Variants in PEDS1 observed in about 807,000 individuals in gnomAD.
The protein encoded by PEDS1 is CarF homolog.
Under a neutral mutation model 35.2 loss-of-function variants are expected in PEDS1, and 14 were observed. The ratio of observed to expected loss-of-function variants is 0.40; its 90% CI spans 0.26 to 0.62. The LOEUF (loss-of-function observed/expected upper bound fraction) is 0.62, where lower values mean the gene tolerates loss of function less well. Among genes scored for constraint, PEDS1 ranks in the 20% least tolerant of loss-of-function variants. PEDS1 has a pLI of 0.44. For missense variants in PEDS1, 260 were observed against 367.8 expected (o/e 0.71, Z 2.40); for synonymous variants, 152 against 152.0 (o/e 1.00, Z 0.00).
intron 1 of PEDS1, among the ~76,000 whole-genome samples, chr20:50,147,550 A>G (rs920863877): frequency 6.6e-6 from 1 of 152,182 alleles, no homozygotes; most frequent in African/African-American, 2.4e-5. Flanking sequence ...TGAGGTTCAG[A>G]GCTGGGTTTG....
intron 1 of PEDS1, among the ~76,000 whole-genome samples, chr20:50,146,752 C>T (rs1398534856): frequency 6.6e-6 from 1 of 152,070 alleles, no homozygotes; most frequent in Non-Finnish European, 1.5e-5. Flanking sequence ...ACCGTGAAGC[C>T]CAGGAAGGAG....
intron 1 of PEDS1, 88 bp downstream of exon 1, chr20:50,153,429 G>C: frequency 8.1e-7 from 1 of 1,237,900 alleles, no homozygotes; most frequent in East Asian, 3.2e-5. Flanking sequence ...TTCCGCATCT[G>C]GGCCCGAGGT....
In PEDS1 at chr20:50,121,847, A is replaced by T. The variant is rs755327133; in HGVS notation, c.*3211T>A. The T allele has an allele frequency of 6.6e-6, 1 of 152,048 alleles. No individual in the cohort carries two copies. The highest frequency in any genetic ancestry group is 1.5e-5 in the Non-Finnish European group (1 of 68,050). 9.4% of individuals were successfully genotyped at this position (152,048 alleles called of 1,614,324 possible). A position where few individuals can be genotyped will look rare whatever the true frequency, so the allele number is the denominator to read the frequency against. On this transcript the variant is annotated 3_prime_UTR_variant, in exon 6 of 6. Coordinates refer to ENST00000371652, the MANE Select transcript of PEDS1 (RefSeq NM_199129.4). ...AGATTGGTGGGGCCTGGAAACCAAC[A>T]CCACAGTGGTGAGGCTACTCCTATG...
In PEDS1 at chr20:50,125,170, T is replaced by G; in HGVS notation, c.701A>C (p.Asn234Thr). The change falls in exon 6 of 6, where the codon AAC becomes ACC. Residue 234 changes from asparagine to threonine, a missense_variant. Around this residue, in one of 4 missense-constraint regions of PEDS1, gnomAD observed 83 missense variants for 142.8 expected, o/e 0.58. Coordinates refer to ENST00000371652, the MANE Select transcript of PEDS1 (RefSeq NM_199129.4). ...GAAGCCTATCTTCTCCAGAGGGTAG[T>G]TGAGCCAGCCTGCAGTAGAAATGGC... Reference protein sequence around the residue: ...TYFCITTGWLNYPLEKIGFWR... With the variant: ...TYFCITTGWLTYPLEKIGFWR... The G allele has an allele frequency of 1.2e-6, 2 of 1,613,886 alleles. No homozygotes were observed. The highest frequency in any genetic ancestry group is 1.7e-6 in the Non-Finnish European group (2 of 1,179,802).
Position 50,138,780 on chromosome 20 carries a change from C to CA in PEDS1, c.241+4721dup, listed in dbSNP as rs573079325. Among the ~76,000 whole-genome samples, 398 of 152,348 alleles carry CA rather than the reference C, an allele frequency of 2.6e-3. 2 individuals carry two copies. The highest frequency in any genetic ancestry group is 9.0e-3 in the African/African-American group (375 of 41,578). On this transcript the variant is annotated intron_variant, in intron 2 of 5. Transcript: ENST00000371652. ...CCAGCTTTGGGGTGGTGGCAGCTGGCAGCCGGCTCCCCCTGGGGGCAGCTT... is the reference window on the plus strand; with the variant it reads ...CCAGCTTTGGGGTGGTGGCAGCTGGCAAGCCGGCTCCCCCTGGGGGCAGCTT...
chr20:50,148,265 C>T (rs928648241), intron 1 of PEDS1, among the ~76,000 whole-genome samples: 3 of 152,200 alleles, frequency 2.0e-5, no homozygotes, highest in African/African-American at 4.8e-5. Context: ...TGTCCAAAGT[C>T]ACTTGAGGGT....
chr20:50,152,652 A>C (rs2081416994), intron 1 of PEDS1, among the ~76,000 whole-genome samples: 1 of 152,086 alleles, frequency 6.6e-6, no homozygotes, highest in South Asian at 2.1e-4. Context: ...AGAGAGGGAG[A>C]GGTGAACTCC....
chr20:50,125,297 AG>A lies in PEDS1; in HGVS notation c.692-119del, dbSNP rs2081088192. 6 of 1,363,006 alleles carry A rather than the reference AG, an allele frequency of 4.4e-6. No homozygotes were observed. The Admixed American group carries it at 1.3e-4, about 30-fold the overall frequency. The allele number at this position is 1,363,006 out of a possible 1,614,324, so 84.4% of individuals were successfully genotyped here. A position where few individuals can be genotyped will look rare whatever the true frequency, so the allele number is the denominator to read the frequency against. On this transcript the variant is annotated intron_variant, in intron 5 of 5. Coordinates refer to ENST00000371652, the MANE Select transcript of PEDS1 (RefSeq NM_199129.4). ...AATGAGGAGTGAGTCAGTACAGGAT[AG>A]GACACAGGGACCGGCCAAGGAACTG...
chr20:50,129,583 C>T lies in PEDS1; in HGVS notation c.441G>A (p.Leu147=). The part of the protein sequence containing the change: ...GDNCLVTLLP[L]LNMAYKFRTH... Reference sequence around the variant, plus strand: ...TGCGGAACTTGTAGGCCATGTTTAGCAGCGGCAGCAGTGTCACCAGGCAGT... The same window carrying T: ...TGCGGAACTTGTAGGCCATGTTTAGTAGCGGCAGCAGTGTCACCAGGCAGT... The change falls in exon 4 of 6, where the codon CTG becomes CTA. Residue 147 remains leucine (L), a synonymous_variant. Transcript: ENST00000371652. The surrounding 1 kb of genome is among the most constrained non-coding windows in gnomAD (Gnocchi z 4.2). 6.2e-7 allele frequency: 1 copy of T among 1,614,110 alleles called. No homozygotes were observed. Among genetic ancestry groups the T allele is most frequent in the Non-Finnish European group, 8.5e-7 (1 of 1,179,996 alleles).
chr20:50,147,091 C>T (rs927646794), intron 1 of PEDS1, among the ~76,000 whole-genome samples: 1 of 152,178 alleles, frequency 6.6e-6, no homozygotes, highest in Non-Finnish European at 1.5e-5. Flanking sequence ...AGGAAGTGGG[C>T]AGAGCCAACT....
intron 2 of PEDS1, among the ~76,000 whole-genome samples, chr20:50,131,621 CA>C (rs926700222): frequency 1.9e-3 from 256 of 132,844 alleles, no homozygotes; most frequent in Middle Eastern, 3.9e-3. Context: ...GACTCCGTCT[CA>C]AAAAAAAAAA....
At position 50,121,484 on chromosome 20, in the gene PEDS1, G is replaced by A. The variant is rs1176918352; in HGVS notation, c.*3574C>T. On this transcript the variant is annotated 3_prime_UTR_variant, in exon 6 of 6. Transcript: ENST00000371652. ...GAGTACTCACTTCTCAGAGCTGCAGGGACTGCTTGACAGGACCCATGCCAG... is the reference window on the plus strand; with the variant it reads ...GAGTACTCACTTCTCAGAGCTGCAGAGACTGCTTGACAGGACCCATGCCAG... The A allele has an allele frequency of 1.3e-5, 2 of 152,220 alleles. No homozygotes were observed. The highest frequency in any genetic ancestry group is 2.9e-5 in the Non-Finnish European group (2 of 68,124). 9.4% of individuals were successfully genotyped at this position (152,220 alleles called of 1,614,324 possible).
At position 50,129,424 on chromosome 20, in the gene PEDS1, AATGAATGAAAACT is replaced by A; in HGVS notation, c.478+109_478+121del. ...AGGTTTCCTGATTTTACATGAAGAC[AATGAATGAAAACT>A]CTTTTAAAATACCATAAGGAGCCAA... is the stretch of plus-strand genomic sequence containing the variant. On this transcript the variant is annotated intron_variant, in intron 4 of 5. Transcript: ENST00000371652. The surrounding 1 kb of genome is among the most constrained non-coding windows in gnomAD (Gnocchi z 4.2). 1 of 1,391,778 alleles carries A rather than the reference AATGAATGAAAACT, an allele frequency of 7.2e-7. No individual in the cohort carries two copies. The highest frequency in any genetic ancestry group is 1.5e-5 in the South Asian group (1 of 67,912). The allele number at this position is 1,391,778 out of a possible 1,614,324, so 86.2% of individuals were successfully genotyped here. A position where few individuals can be genotyped will look rare whatever the true frequency, so the allele number is the denominator to read the frequency against.
chr20:50,128,301 G>T lies in PEDS1; in HGVS notation c.479-114C>A. On this transcript the variant is annotated intron_variant, in intron 4 of 5. Coordinates refer to ENST00000371652, the MANE Select transcript of PEDS1 (RefSeq NM_199129.4). The surrounding 1 kb of genome is among the most constrained non-coding windows in gnomAD (Gnocchi z 5.2). ...GGCTCCTGAGCTGGGCAAGCACCCA[G>T]GATTCTCTTCCACCCCCTGCAGGGC... is the stretch of plus-strand genomic sequence containing the variant. 7.5e-7 allele frequency: 1 copy of T among 1,330,796 alleles called. No homozygotes were observed. Among genetic ancestry groups the T allele is most frequent in the South Asian group, 1.4e-5 (1 of 73,272 alleles). The allele number at this position is 1,330,796 out of a possible 1,614,324, so 82.4% of individuals were successfully genotyped here. A position where few individuals can be genotyped will look rare whatever the true frequency, so the allele number is the denominator to read the frequency against.
rs756786800 is a variant in PEDS1 at position 50,134,734 on chromosome 20, G to A, written c.242-3787C>T. On this transcript the variant is annotated intron_variant, in intron 2 of 5. Coordinates refer to ENST00000371652, the MANE Select transcript of PEDS1 (RefSeq NM_199129.4). ...CTCTCTAAACCTTGGCTCATTTTAT[G>A]TTATAATTGAATATAACCTACAAAC... is the stretch of plus-strand genomic sequence containing the variant. Among the ~76,000 whole-genome samples, 79 of 152,268 alleles carry A rather than the reference G, an allele frequency of 5.2e-4. 1 individual carries two copies. Among genetic ancestry groups the A allele is most frequent in the Middle Eastern group, 3.4e-3 (1 of 294 alleles).
At position 50,129,429 on chromosome 20, in the gene PEDS1, A is replaced by G; in HGVS notation, c.478+117T>C. The G allele has an allele frequency of 7.1e-7, 1 of 1,417,336 alleles. No individual in the cohort carries two copies. Among genetic ancestry groups the G allele is most frequent in the South Asian group, 1.4e-5 (1 of 69,280 alleles). 87.8% of individuals were successfully genotyped at this position (1,417,336 alleles called of 1,614,324 possible). On this transcript the variant is annotated intron_variant, in intron 4 of 5. Transcript: ENST00000371652. The surrounding 1 kb of genome is among the most constrained non-coding windows in gnomAD (Gnocchi z 4.2). ...TCCTGATTTTACATGAAGACAATGAATGAAAACTCTTTTAAAATACCATAA... is the reference window on the plus strand; with the variant it reads ...TCCTGATTTTACATGAAGACAATGAGTGAAAACTCTTTTAAAATACCATAA...
chr20:50,128,284 A>G lies in PEDS1; in HGVS notation c.479-97T>C. ...ACCACCTGCTCCTGGGCGGCTCCTG[A>G]GCTGGGCAAGCACCCAGGATTCTCT... On this transcript the variant is annotated intron_variant, in intron 4 of 5. Transcript: ENST00000371652. The surrounding 1 kb of genome is among the most constrained non-coding windows in gnomAD (Gnocchi z 5.2). The G allele has an allele frequency of 2.1e-6, 3 of 1,436,688 alleles. No individual in the cohort carries two copies. Among genetic ancestry groups the G allele is most frequent in the Non-Finnish European group, 2.8e-6 (3 of 1,057,450 alleles). The allele number at this position is 1,436,688 out of a possible 1,614,324, so 89.0% of individuals were successfully genotyped here. A position where few individuals can be genotyped will look rare whatever the true frequency, so the allele number is the denominator to read the frequency against.
At chr20:50,130,980 C>T (rs1332023464) in intron 2 of PEDS1, 33 bp from the exon 3 acceptor site, 2 of 1,614,198 alleles carry the variant, frequency 1.2e-6, no homozygotes, top group Admixed American at 1.7e-5. Flanking sequence ...AGGGACATCC[C>T]TGCACCCCCC....
At chr20:50,130,729 G>A (rs1241955614) in intron 3 of PEDS1, 127 bp downstream of exon 3, 1 of 1,198,514 alleles carries the variant, frequency 8.3e-7, no homozygotes, top group Non-Finnish European at 1.2e-6. Context: ...ACAGGGGTGA[G>A]GGACAGGCTG....
Sources: allele counts gnomAD v4.1 joint callset (sites outside exome capture counted in the v4.1 genomes callset), GRCh38; gene constraint gnomAD v4.1.1; regional missense constraint gnomAD v4.1.1; non-coding constraint Gnocchi (gnomAD v3.1); transcripts MANE v1.5; gene names NCBI Gene and HGNC (gene_info 2026-07-23, HGNC 2026-07-21).